The following SLC22A12 variants were observed in gnomAD, a reference collection of about 807,000 sequenced individuals.
SLC22A12 encodes solute carrier family 22 member 12.
SLC22A12 carries 56 observed loss-of-function variants against 52.7 expected under a neutral mutation model. The observed-to-expected ratio is 1.06, with a 90% CI of 0.86 to 1.33. The LOEUF is 1.33. Ranked by LOEUF, SLC22A12 falls within the 40% of genes most tolerant of loss-of-function variation. The pLI is 0.00. For missense variants in SLC22A12, 683 were observed against 741.5 expected (o/e 0.92, Z 0.92); for synonymous variants, 337 against 324.6 (o/e 1.04, Z -0.41).
At position 64,600,382 on chromosome 11, in the gene SLC22A12, G is replaced by A. The variant is rs147647315; in HGVS notation, c.1301G>A (p.Arg434His). ...CTACCCACAGAAATGGGGGCTCTGC[G>A]CTCAGCCTTGGCCGTGCTGGGGCTG... ...TLVPHEMGALRSALAVLGLGG... is the reference protein window; with the variant it reads ...TLVPHEMGALHSALAVLGLGG... Residue 434 changes from arginine (R) to histidine (H), a missense_variant, in exon 8 of 10, where the codon CGC becomes CAC. Arg to His is a conservative substitution (Grantham distance 29, BLOSUM62 0). Coordinates refer to ENST00000377574, the MANE Select transcript of SLC22A12 (RefSeq NM_144585.4). 1.1e-3 allele frequency: 1,821 copies of A among 1,605,846 alleles called. 9 individuals are homozygous for A. The African/African-American group carries it at 0.014, about 13-fold the overall frequency.
chr11:64,592,560 T>C (rs1398202683), intron 1 of SLC22A12, among the ~76,000 whole-genome samples: 3 of 152,026 alleles, frequency 2.0e-5, no homozygotes, highest in Non-Finnish European at 4.4e-5. Flanking sequence ...TAGGGAGCCA[T>C]GGAAGAGTTC....
intron 6 of SLC22A12, 85 bp from the exon 7 acceptor site, chr11:64,599,591 G>GCCCCCACC: frequency 1.6e-6 from 1 of 617,178 alleles, no homozygotes; most frequent in Non-Finnish European, 2.4e-6. Context: ...CCCACCCTGA[G>GCCCCCACC]CCCCCACCGC....
At chr11:64,596,071 TGG>T in intron 4 of SLC22A12, among the ~76,000 whole-genome samples, 1 of 149,934 alleles carries the variant, frequency 6.7e-6, no homozygotes, top group East Asian at 2.0e-4. Context: ...GATGGATGGA[TGG>T]ATGGTTTGAT....
chr11:64,598,914 C>A lies in SLC22A12; in HGVS notation c.1061C>A (p.Thr354Lys). 6.2e-7 allele frequency: 1 copy of A among 1,612,834 alleles called. No individual in the cohort carries two copies. The change falls in exon 6 of 10, where the codon ACG becomes AAG. Residue 354 changes from threonine (T) to lysine (K), a missense_variant. Thr to Lys is a moderately conservative substitution (Grantham distance 78, BLOSUM62 -1). Coordinates refer to ENST00000377574, the MANE Select transcript of SLC22A12 (RefSeq NM_144585.4). ...PGLRFRTCISTLCWFAFGFTF... is the reference protein window; with the variant it reads ...PGLRFRTCISKLCWFAFGFTF... ...CTGCGCTTCCGGACCTGTATCTCCA[C>A]GTTGTGCTGGTAGATGCCCTTCCCC...
Position 64,599,222 on chromosome 11 carries a change from C to T in SLC22A12, c.1070+299C>T, listed in dbSNP as rs534497868. On this transcript the variant is annotated intron_variant, in intron 6 of 9. Coordinates refer to ENST00000377574, the MANE Select transcript of SLC22A12 (RefSeq NM_144585.4). ...GGGTGATCCAGGCAACAGCATGGGCCGCAAGCACCCCTGCCTGGTGTGGGG... is the reference window on the plus strand; with the variant it reads ...GGGTGATCCAGGCAACAGCATGGGCTGCAAGCACCCCTGCCTGGTGTGGGG... 2.0e-4 allele frequency among the ~76,000 whole-genome samples: 31 copies of T among 152,278 alleles called. No homozygotes were observed. The South Asian group carries it at 4.1e-3, about 20-fold the overall frequency.
Position 64,600,266 on chromosome 11 carries a change from A to G in SLC22A12, c.1286-101A>G, listed in dbSNP as rs77779022. The G allele has an allele frequency of 1.7e-5, 16 of 944,286 alleles. No homozygotes were observed. In the East Asian group the frequency reaches 4.2e-4, roughly 25 times the overall value. 58.5% of individuals were successfully genotyped at this position (944,286 alleles called of 1,614,324 possible). ...ATGGAGATGACTCCCAAACATTTAC[A>G]AAGAGGCCTGAAAGTCAGGGACAAG... is the stretch of plus-strand genomic sequence containing the variant. On this transcript the variant is annotated intron_variant, in intron 7 of 9. Coordinates refer to ENST00000377574, the MANE Select transcript of SLC22A12 (RefSeq NM_144585.4).
chr11:64,600,582 TCCCTCTTGTGTGGTCCC>T, intron 8 of SLC22A12, 107 bp downstream of exon 8: 1 of 1,362,316 alleles, frequency 7.3e-7, no homozygotes, highest in Non-Finnish European at 1.0e-6. Flanking sequence ...GTCATGCATC[TCCCTCTTGTGTGGTCCC>T]CGGGGCTGCT....
At chr11:64,592,426 C>T (rs2135441536) in intron 1 of SLC22A12, among the ~76,000 whole-genome samples, 1 of 152,254 alleles carries the variant, frequency 6.6e-6, no homozygotes, top group Admixed American at 6.5e-5. Context: ...TGGGAAGAAC[C>T]TCTTTATAAA....
At chr11:64,596,426 T>A (rs1346337782) in intron 4 of SLC22A12, among the ~76,000 whole-genome samples, 1 of 151,818 alleles carries the variant, frequency 6.6e-6, no homozygotes, top group African/African-American at 2.4e-5. Context: ...GATAGGTGGA[T>A]TAATTGGATG....
At chr11:64,597,830 G>C (rs536202799) in intron 4 of SLC22A12, among the ~76,000 whole-genome samples, 2 of 152,282 alleles carry the variant, frequency 1.3e-5, no homozygotes, top group African/African-American at 2.4e-5. Context: ...TGGGAGACAG[G>C]TCAGTGTGAG....
chr11:64,593,017 G>C (rs527896840), intron 2 of SLC22A12, 135 bp downstream of exon 2: 5 of 785,474 alleles, frequency 6.4e-6, no homozygotes, highest in Non-Finnish European at 1.0e-5. Flanking sequence ...TGTGGGTCTC[G>C]GACCAGCCAC....
chr11:64,600,573 TCATG>T, intron 8 of SLC22A12, 98 bp downstream of exon 8: 1 of 1,346,612 alleles, frequency 7.4e-7, no homozygotes, highest in Non-Finnish European at 1.0e-6. Context: ...GATGTTCATG[TCATG>T]CATCTCCCTC....
intron 6 of SLC22A12, among the ~76,000 whole-genome samples, chr11:64,599,179 G>T (rs2039356973): frequency 6.6e-6 from 1 of 152,186 alleles, no homozygotes; most frequent in Admixed American, 6.5e-5. Flanking sequence ...GGAGGGCTGG[G>T]AGCCAGGCAT....
chr11:64,591,456 G>C lies in SLC22A12; in HGVS notation c.-101G>C. 1 of 1,517,326 alleles carries C rather than the reference G, an allele frequency of 6.6e-7. No homozygotes were observed. The highest frequency in any genetic ancestry group is 9.0e-7 in the Non-Finnish European group (1 of 1,113,990). 94.0% of individuals were successfully genotyped at this position (1,517,326 alleles called of 1,614,324 possible). A position where few individuals can be genotyped will look rare whatever the true frequency, so the allele number is the denominator to read the frequency against. ...GCCGCTGGGCTGGAGAAGCCACTGT[G>C]GGCACCACCGTGGGGGAAACAGGCC... On this transcript the variant is annotated 5_prime_UTR_variant, in exon 1 of 10. Transcript: ENST00000377574.
chr11:64,597,714 G>A (rs986505326), intron 4 of SLC22A12, among the ~76,000 whole-genome samples: 2 of 152,240 alleles, frequency 1.3e-5, no homozygotes, highest in African/African-American at 4.8e-5. Flanking sequence ...GGACCTGCAG[G>A]AGCCAAGGCC....
At chr11:64,597,713 G>A (rs569353891) in intron 4 of SLC22A12, among the ~76,000 whole-genome samples, 1 of 152,384 alleles carries the variant, frequency 6.6e-6, no homozygotes, top group African/African-American at 2.4e-5. Flanking sequence ...AGGACCTGCA[G>A]GAGCCAAGGC....
At chr11:64,595,149 T>C (rs796974651) in intron 4 of SLC22A12, among the ~76,000 whole-genome samples, 12 of 70,788 alleles carry the variant, frequency 1.7e-4, no homozygotes, top group African/African-American at 5.9e-4. Flanking sequence ...GAATGGATGG[T>C]TGAATGGATG....
Position 64,598,538 on chromosome 11 carries a change from T to C in SLC22A12, c.853T>C (p.Trp285Arg), listed in dbSNP as rs2039328669. The change falls in exon 5 of 10, where the codon TGG (tryptophan) becomes CGG (arginine). Residue 285 changes from tryptophan to arginine, a missense_variant. Physicochemically the swap from Trp to Arg is moderately radical, Grantham distance 101. Coordinates refer to ENST00000377574, the MANE Select transcript of SLC22A12 (RefSeq NM_144585.4). The stretch of plus-strand genomic sequence containing the variant: ...AAGGTGGCTGGCAGAGTCGGCACGA[T>C]GGCTCCTCACCACAGGCAGGCTGGA... ...YSWWLAESAR[W>R]LLTTGRLDWG... 1 of 1,593,410 alleles carries C rather than the reference T, an allele frequency of 6.3e-7. No individual in the cohort carries two copies. Among genetic ancestry groups the C allele is most frequent in the Non-Finnish European group, 8.5e-7 (1 of 1,171,444 alleles).
intron 4 of SLC22A12, 81 bp from the exon 5 acceptor site, chr11:64,598,435 C>A: frequency 1.3e-6 from 2 of 1,539,830 alleles, no homozygotes; most frequent in Non-Finnish European, 1.8e-6. Context: ...GCAGTGGGTA[C>A]AGGGTAGCAG....
Sources: allele counts gnomAD v4.1 joint callset (sites outside exome capture counted in the v4.1 genomes callset), GRCh38; gene constraint gnomAD v4.1.1; transcripts MANE v1.5; gene names NCBI Gene and HGNC (gene_info 2026-07-23, HGNC 2026-07-21).